Variants in LRRC4C observed in about 807,000 individuals in gnomAD.
LRRC4C encodes the protein leucine-rich repeat-containing protein 4C.
A neutral mutation model predicts 33.6 loss-of-function variants in LRRC4C; 5 were observed. The ratio of observed to expected loss-of-function variants is 0.15; its 90% CI spans 0.08 to 0.31. LRRC4C has a LOEUF of 0.31. Among genes scored for constraint, LRRC4C ranks in the 10% least tolerant of loss-of-function variants. The pLI, the probability that LRRC4C is intolerant of heterozygous loss-of-function variation, is 1.00. For missense variants in LRRC4C, 560 were observed against 796.7 expected (o/e 0.70, Z 3.58); for synonymous variants, 329 against 302.0 (o/e 1.09, Z -0.93).
chr11:40,852,163 T>C (rs1243412299), intron 2 of LRRC4C, among the ~76,000 whole-genome samples: 2 of 151,962 alleles, frequency 1.3e-5, no homozygotes, highest in Admixed American at 1.3e-4. Context: ...TTTAATCCAT[T>C]AGAATTACTT....
chr11:41,037,391 G>A (rs571589718), intron 1 of LRRC4C, among the ~76,000 whole-genome samples: 1 of 151,994 alleles, frequency 6.6e-6, no homozygotes, highest in African/African-American at 2.4e-5. Context: ...CTAGGCTAGA[G>A]TGCAGTGGCA....
At chr11:41,297,966 G>A (rs1950187618) in intron 1 of LRRC4C, among the ~76,000 whole-genome samples, 1 of 151,994 alleles carries the variant, frequency 6.6e-6, no homozygotes, top group Admixed American at 6.6e-5. Flanking sequence ...GATAGCCTTG[G>A]GAAAGACACA....
chr11:40,460,096 T>C (rs1161049086), intron 3 of LRRC4C, among the ~76,000 whole-genome samples: 1 of 152,142 alleles, frequency 6.6e-6, no homozygotes, highest in African/African-American at 2.4e-5. Context: ...CGGGGTAGTT[T>C]ACTCTTTCCA....
At chr11:41,276,793 G>C (rs1211135515) in intron 1 of LRRC4C, among the ~76,000 whole-genome samples, 1 of 152,076 alleles carries the variant, frequency 6.6e-6, no homozygotes, top group Non-Finnish European at 1.5e-5. Context: ...AGGCAGGAGA[G>C]GGAGAGAAAA....
chr11:40,666,128 TG>T (rs1452069030), intron 2 of LRRC4C, among the ~76,000 whole-genome samples: 1 of 152,080 alleles, frequency 6.6e-6, no homozygotes, highest in Non-Finnish European at 1.5e-5. Flanking sequence ...AGTTATATGA[TG>T]GAATACTACT....
intron 2 of LRRC4C, among the ~76,000 whole-genome samples, chr11:40,730,251 AT>A (rs1486327986): frequency 6.6e-6 from 1 of 152,172 alleles, no homozygotes; most frequent in African/African-American, 2.4e-5. Context: ...TTAAAGTATA[AT>A]TTAAAAAAAT....
At chr11:40,867,475 C>T (rs568249986) in intron 2 of LRRC4C, among the ~76,000 whole-genome samples, 22 of 152,170 alleles carry the variant, frequency 1.4e-4, no homozygotes, top group Non-Finnish European at 2.6e-4. Flanking sequence ...TAATTAGTAT[C>T]ACTATTATTG....
At chr11:40,259,446 T>C (rs1867500603) in intron 4 of LRRC4C, among the ~76,000 whole-genome samples, 2 of 152,262 alleles carry the variant, frequency 1.3e-5, no homozygotes, top group East Asian at 3.9e-4. Context: ...TTGGCTTTTG[T>C]TGCCATTGCT....
chr11:40,381,080 G>A (rs767459098), intron 3 of LRRC4C, among the ~76,000 whole-genome samples: 5 of 152,118 alleles, frequency 3.3e-5, no homozygotes, highest in Admixed American at 2.6e-4. Context: ...GGATGATTGT[G>A]CAATATACAT....
At chr11:40,128,747 G>T (rs2134768892) in intron 6 of LRRC4C, among the ~76,000 whole-genome samples, 1 of 152,002 alleles carries the variant, frequency 6.6e-6, no homozygotes, top group South Asian at 2.1e-4. Flanking sequence ...CCCGCCTCAG[G>T]ACCTTTGTAC....
At chr11:41,243,885 A>G (rs961587739) in intron 1 of LRRC4C, among the ~76,000 whole-genome samples, 5 of 152,188 alleles carry the variant, frequency 3.3e-5, no homozygotes, top group Non-Finnish European at 4.4e-5. Flanking sequence ...TCGCTATTAT[A>G]CAAAGAAAGA....
Position 40,114,568 on chromosome 11 carries a change from A to C in LRRC4C, c.1725T>G (p.Ile575Met). Residue 575 changes from isoleucine (I) to methionine (M), a missense_variant, in exon 7 of 7, where the codon ATT becomes ATG. Physicochemically the swap from Ile to Met is conservative, Grantham distance 10. This residue lies in a region of LRRC4C where 103 missense variants were observed against 132.1 expected (regional missense o/e 0.78). Transcript: ENST00000528697. ...GGCTTTCCATGGGTGTGTCTCCCGT[A>C]ATCTCATCATCCACATTAATAATTT... The part of the protein sequence containing the change: ...TVEIINVDDE[I>M]TGDTPMESHL... The C allele has an allele frequency of 6.2e-7, 1 of 1,614,146 alleles. No individual in the cohort carries two copies. The highest frequency in any genetic ancestry group is 8.5e-7 in the Non-Finnish European group (1 of 1,180,030).
At position 40,300,212 on chromosome 11, in the gene LRRC4C, A is replaced by G. The variant is rs1253344188; in HGVS notation, c.-176+19416T>C. 2.6e-5 allele frequency among the ~76,000 whole-genome samples: 4 copies of G among 152,146 alleles called. No individual in the cohort carries two copies. The East Asian group carries it at 7.7e-4, about 29-fold the overall frequency. ...GGAGGTGCTAAACCATTCATGAGAA[A>G]TCTGCCTACATGATCCAGTCATGTC... On this transcript the variant is annotated intron_variant, in intron 4 of 6. Transcript: ENST00000528697.
intron 1 of LRRC4C, among the ~76,000 whole-genome samples, chr11:41,313,627 T>G (rs1950703133): frequency 6.6e-6 from 1 of 152,202 alleles, no homozygotes; most frequent in Non-Finnish European, 1.5e-5. Context: ...TACAAATGAT[T>G]GTTAAAGGGT....
chr11:40,848,988 C>T (rs1487116240), intron 2 of LRRC4C, among the ~76,000 whole-genome samples: 1 of 151,944 alleles, frequency 6.6e-6, no homozygotes, highest in African/African-American at 2.4e-5. Flanking sequence ...TTTTGCTTTC[C>T]ATTTGCTTGG....
At chr11:40,125,356 T>TACATC (rs367750773) in intron 6 of LRRC4C, among the ~76,000 whole-genome samples, 4 of 152,056 alleles carry the variant, frequency 2.6e-5, no homozygotes, top group Non-Finnish European at 5.9e-5. Flanking sequence ...ACAAAGCTGA[T>TACATC]AAGAAAGAAA....
chr11:40,329,091 G>A (rs1462552663), intron 3 of LRRC4C, among the ~76,000 whole-genome samples: 1 of 152,220 alleles, frequency 6.6e-6, no homozygotes, highest in Non-Finnish European at 1.5e-5. Context: ...TAGACCGTGA[G>A]TGAGTGACAA....
chr11:40,739,270 A>C (rs1948043187), intron 2 of LRRC4C, among the ~76,000 whole-genome samples: 1 of 151,964 alleles, frequency 6.6e-6, no homozygotes, highest in African/African-American at 2.4e-5. Flanking sequence ...CTATTAGCTC[A>C]ACTTTTTTAG....
chr11:40,284,564 C>T (rs1003428551), intron 4 of LRRC4C, among the ~76,000 whole-genome samples: 1 of 152,122 alleles, frequency 6.6e-6, no homozygotes, highest in East Asian at 1.9e-4. Context: ...GAGTAATAGA[C>T]TATCTGAGGA....
Sources: allele counts gnomAD v4.1 joint callset (sites outside exome capture counted in the v4.1 genomes callset), GRCh38; gene constraint gnomAD v4.1.1; regional missense constraint gnomAD v4.1.1; transcripts MANE v1.5; gene names NCBI Gene and HGNC (gene_info 2026-07-23, HGNC 2026-07-21).